Variants in MTSS1 observed in about 807,000 individuals in gnomAD.
MTSS1 encodes MTSS I-BAR domain containing 1.
Under a neutral mutation model 79.0 loss-of-function variants are expected in MTSS1, and 18 were observed. The ratio of observed to expected loss-of-function variants is 0.23; its 90% CI spans 0.16 to 0.34. The LOEUF (loss-of-function observed/expected upper bound fraction) is 0.34. Among genes scored for constraint, MTSS1 ranks in the 10% least tolerant of loss-of-function variants. The probability of loss-of-function intolerance (pLI) is 1.00; values close to 1 mark genes in which losing one functional copy is unlikely to be tolerated. For missense variants in MTSS1, 815 were observed against 986.2 expected (o/e 0.83, Z 2.33); for synonymous variants, 341 against 368.6 (o/e 0.93, Z 0.86).
chr8:124,597,045 G>A lies in MTSS1; in HGVS notation c.209-5810C>T, dbSNP rs906183285. 6.6e-6 allele frequency among the ~76,000 whole-genome samples: 1 copy of A among 152,048 alleles called. No homozygotes were observed. The highest frequency in any genetic ancestry group is 1.5e-5 in the Non-Finnish European group (1 of 68,028). On this transcript the variant is annotated intron_variant, in intron 3 of 13. Transcript: ENST00000518547. The surrounding 1 kb of genome is among the most constrained non-coding windows in gnomAD (Gnocchi z 4.6). ...TTAGGACATCAACCTATCTTTCTGG[G>A]GGTGCGCCGCAGTCCACGGCCCACA...
chr8:124,649,562 CA>C (rs1675946177), intron 3 of MTSS1, among the ~76,000 whole-genome samples: 1 of 152,124 alleles, frequency 6.6e-6, no homozygotes, highest in South Asian at 2.1e-4. Flanking sequence ...ACAGAGTACA[CA>C]AAAAGCTCCC....
At chr8:124,653,500 G>T (rs1428481075) in intron 3 of MTSS1, among the ~76,000 whole-genome samples, 1 of 152,174 alleles carries the variant, frequency 6.6e-6, no homozygotes, top group Non-Finnish European at 1.5e-5. Context: ...AAGGCGGGTG[G>T]ATCACCTGAA....
At chr8:124,619,932 T>TTTTTCTTTTCTTTTCTTTTC (rs138460701) in intron 3 of MTSS1, among the ~76,000 whole-genome samples, 3,273 of 149,640 alleles carry the variant, frequency 0.022, 75 homozygotes, top group African/African-American at 0.044. Context: ...AGCACAACTG[T>TTTTTCTTTTCTTTTCTTTTC]TTTTCTTTTC....
At chr8:124,589,464 C>G (rs1831445107) in intron 5 of MTSS1, among the ~76,000 whole-genome samples, 156 bp downstream of exon 5, 1 of 152,206 alleles carries the variant, frequency 6.6e-6, no homozygotes, top group African/African-American at 2.4e-5. Context: ...TCCTCATCCC[C>G]TGACACGGAC....
chr8:124,653,743 C>G (rs1471057610), intron 3 of MTSS1, among the ~76,000 whole-genome samples: 1 of 152,046 alleles, frequency 6.6e-6, no homozygotes, highest in Admixed American at 6.5e-5. Context: ...CAAAACAAAA[C>G]AAACACAAAA....
At chr8:124,601,659 G>A (rs990046546) in intron 3 of MTSS1, among the ~76,000 whole-genome samples, 4 of 152,200 alleles carry the variant, frequency 2.6e-5, no homozygotes, top group Non-Finnish European at 5.9e-5. Context: ...GACTGCCCGG[G>A]TGTTGCATCA....
intron 3 of MTSS1, among the ~76,000 whole-genome samples, chr8:124,639,492 T>G (rs1027981903): frequency 2.8e-4 from 43 of 151,734 alleles, no homozygotes; most frequent in Admixed American, 2.5e-3. Flanking sequence ...TTTTTTTCCC[T>G]GAGACAGGGT....
chr8:124,568,726 C>T (rs1827101118), intron 6 of MTSS1, 190 bp from the exon 7 acceptor site: 9 of 1,488,774 alleles, frequency 6.0e-6, no homozygotes, highest in South Asian at 5.2e-5. Flanking sequence ...ATTTTCAATG[C>T]CCAAAGGGCA....
At chr8:124,570,048 T>C (rs555165223) in intron 6 of MTSS1, among the ~76,000 whole-genome samples, 1 of 152,316 alleles carries the variant, frequency 6.6e-6, no homozygotes, top group East Asian at 1.9e-4. Flanking sequence ...TAGGAACATA[T>C]TCTGTATTTT....
chr8:124,697,381 G>A (rs1422948022), intron 3 of MTSS1, among the ~76,000 whole-genome samples: 3 of 152,092 alleles, frequency 2.0e-5, no homozygotes, highest in Non-Finnish European at 4.4e-5. Context: ...CTAACATGGT[G>A]AAACCCCATC....
At chr8:124,560,592 A>G (rs878872590) in intron 10 of MTSS1, among the ~76,000 whole-genome samples, 1 of 152,198 alleles carries the variant, frequency 6.6e-6, no homozygotes, top group Admixed American at 6.5e-5. Flanking sequence ...TCAAGGTTAC[A>G]GTGACCTATG....
At chr8:124,691,109 G>A (rs915517150) in intron 3 of MTSS1, among the ~76,000 whole-genome samples, 3 of 152,148 alleles carry the variant, frequency 2.0e-5, no homozygotes, top group Non-Finnish European at 2.9e-5. Flanking sequence ...CATAGCAGAC[G>A]TATATGACTA....
intron 10 of MTSS1, among the ~76,000 whole-genome samples, chr8:124,562,270 A>G (rs1299053325): frequency 6.6e-6 from 1 of 152,210 alleles, no homozygotes; most frequent in Non-Finnish European, 1.5e-5. Context: ...CCAGAATCTA[A>G]GTGCCAACAG....
intron 3 of MTSS1, among the ~76,000 whole-genome samples, chr8:124,605,086 G>A (rs1352500158): frequency 6.6e-5 from 10 of 152,304 alleles, no homozygotes; most frequent in East Asian, 3.9e-4. Flanking sequence ...CCCTGTCTAC[G>A]TTTTGGATGG....
intron 12 of MTSS1, 160 bp downstream of exon 12, chr8:124,556,072 G>C (rs918086520): frequency 1.3e-6 from 2 of 1,543,514 alleles, no homozygotes; most frequent in Non-Finnish European, 1.7e-6. Context: ...CCCACACAAG[G>C]TTTTTTTCCC....
At chr8:124,599,580 A>G (rs954603062) in intron 3 of MTSS1, among the ~76,000 whole-genome samples, 5 of 152,120 alleles carry the variant, frequency 3.3e-5, no homozygotes, top group African/African-American at 9.7e-5. Context: ...GCACATAACT[A>G]CCACACACAC....
chr8:124,649,900 T>A (rs1819643159), intron 3 of MTSS1, among the ~76,000 whole-genome samples: 1 of 151,916 alleles, frequency 6.6e-6, no homozygotes, highest in South Asian at 2.1e-4. Flanking sequence ...TGGAAAAGAC[T>A]AAGAGCATTG....
intron 6 of MTSS1, among the ~76,000 whole-genome samples, chr8:124,583,836 T>TA (rs1178792189): frequency 6.6e-6 from 1 of 152,224 alleles, no homozygotes; most frequent in African/African-American, 2.4e-5. Context: ...ATTTTACTTA[T>TA]AAATGCTTAC....
At position 124,556,305 on chromosome 8, in the gene MTSS1, G is replaced by T. The variant is rs761725291; in HGVS notation, c.1331C>A (p.Thr444Asn). 3 of 1,614,218 alleles carry T rather than the reference G, an allele frequency of 1.9e-6. No individual in the cohort carries two copies. The Admixed American group carries it at 5.0e-5, about 27-fold the overall frequency. ...EPDPNGGGPT[T>N]ASGPPAAAEE... ...AGCTGCTGCAGGTGGGCCGCTGGCGGTAGTGGGTCCTCCCCCGTTGGGGTC... is the reference window on the plus strand; with the variant it reads ...AGCTGCTGCAGGTGGGCCGCTGGCGTTAGTGGGTCCTCCCCCGTTGGGGTC... The change falls in exon 12 of 14, where the codon ACC becomes AAC. Residue 444 changes from threonine (T) to asparagine (N), a missense_variant. Around this residue, in one of 2 missense-constraint regions of MTSS1, gnomAD observed 590 missense variants for 620.8 expected, o/e 0.95. Transcript: ENST00000518547.
Sources: allele counts gnomAD v4.1 joint callset (sites outside exome capture counted in the v4.1 genomes callset), GRCh38; gene constraint gnomAD v4.1.1; regional missense constraint gnomAD v4.1.1; non-coding constraint Gnocchi (gnomAD v3.1); transcripts MANE v1.5; gene names NCBI Gene and HGNC (gene_info 2026-07-23, HGNC 2026-07-21).